HMCN1: variants seen among roughly 807,000 people sequenced by gnomAD.
The protein encoded by HMCN1 is hemicentin-1.
Under a neutral mutation model 625.9 loss-of-function variants are expected in HMCN1, and 321 were observed. That is an observed-to-expected ratio of 0.51 (90% CI 0.47 to 0.56). The LOEUF (loss-of-function observed/expected upper bound fraction) is 0.56. Ranked by LOEUF, HMCN1 falls within the 20% of genes least tolerant of loss-of-function variation. The pLI is 0.00. For synonymous variants in HMCN1, 2,425 were observed against 2,417.6 expected (o/e 1.00, Z -0.09); for missense variants, 6,588 against 6,887.3 (o/e 0.96, Z 1.54).
chr1:185,948,808 T>C (rs1288914328), intron 11 of HMCN1, among the ~76,000 whole-genome samples: 1 of 146,882 alleles, frequency 6.8e-6, no homozygotes, highest in Non-Finnish European at 1.5e-5. Flanking sequence ...TTTTGGGGGG[T>C]GGTATGGAGA....
Position 186,172,030 on chromosome 1 carries a change from T to C in HMCN1, c.15713T>C (p.Val5238Ala), listed in dbSNP as rs1652262735. The change falls in exon 102 of 107, where the codon GTA becomes GCA. Residue 5238 changes from valine to alanine, a missense_variant. Physicochemically the swap from Val to Ala is moderately conservative, Grantham distance 64. Transcript: ENST00000271588. ...CMDVNECRQN[V>A]CRPDQHCKNT... is the part of the protein sequence containing the mutation. Reference sequence around the variant, plus strand: ...GATGTGAACGAGTGTAGACAAAATGTATGCAGACCAGATCAGCACTGTAAG... The same window carrying C: ...GATGTGAACGAGTGTAGACAAAATGCATGCAGACCAGATCAGCACTGTAAG... 1.9e-6 allele frequency: 3 copies of C among 1,613,616 alleles called. No individual in the cohort carries two copies. Among genetic ancestry groups the C allele is most frequent in the Non-Finnish European group, 8.5e-7 (1 of 1,179,626 alleles).
intron 1 of HMCN1, among the ~76,000 whole-genome samples, chr1:185,844,393 A>G (rs1236705646): frequency 6.6e-6 from 1 of 152,220 alleles, no homozygotes; most frequent in African/African-American, 2.4e-5. Flanking sequence ...TTTCTAAGAA[A>G]AAGTACATGG....
chr1:186,185,727 C>T (rs1018646146), intron 105 of HMCN1, among the ~76,000 whole-genome samples: 6 of 152,128 alleles, frequency 3.9e-5, no homozygotes, highest in Non-Finnish European at 8.8e-5. Flanking sequence ...TGTATCAAGT[C>T]CCAATATAAA....
At chr1:186,173,681 G>A (rs1185341758) in intron 102 of HMCN1, among the ~76,000 whole-genome samples, 1 of 147,252 alleles carries the variant, frequency 6.8e-6, no homozygotes, top group Non-Finnish European at 1.5e-5. Flanking sequence ...AAAAGTAGCA[G>A]CCAACTCAGA....
At chr1:185,998,778 T>A (rs778866115) in intron 25 of HMCN1, among the ~76,000 whole-genome samples, 11 of 152,296 alleles carry the variant, frequency 7.2e-5, no homozygotes, top group Middle Eastern at 3.4e-3. Context: ...TGCTCATGGT[T>A]GTTCTATCAT....
intron 4 of HMCN1, among the ~76,000 whole-genome samples, chr1:185,876,250 T>A (rs1313336864): frequency 6.6e-6 from 1 of 152,092 alleles, no homozygotes; most frequent in Admixed American, 6.6e-5. Flanking sequence ...GATTTCACTC[T>A]TTTTTTATAG....
intron 81 of HMCN1, 93 bp downstream of exon 81, chr1:186,123,313 C>G (rs1661486901): frequency 3.4e-6 from 5 of 1,457,214 alleles, no homozygotes; most frequent in Admixed American, 2.0e-5. Context: ...AGTCAAAAAC[C>G]CTTAAACTCA....
At position 185,990,344 on chromosome 1, in the gene HMCN1, C is replaced by T; in HGVS notation, c.3278C>T (p.Ala1093Val). Residue 1093 changes from alanine to valine, a missense_variant, in exon 22 of 107, where the codon GCA becomes GTA. Coordinates refer to ENST00000271588, the MANE Select transcript of HMCN1 (RefSeq NM_031935.3). ...AAGCCTGTTGAGATCTCCGTCCTTG[C>T]AGGGGAAGAGGTAACACTTCCATGT... is the stretch of plus-strand genomic sequence containing the variant. Reference protein sequence around the residue: ...QDKPVEISVLAGEEVTLPCEV... With the variant: ...QDKPVEISVLVGEEVTLPCEV... The T allele has an allele frequency of 1.2e-6, 2 of 1,613,548 alleles. No homozygotes were observed. Among genetic ancestry groups the T allele is most frequent in the Non-Finnish European group, 1.7e-6 (2 of 1,179,466 alleles).
At chr1:185,918,635 C>T (rs1046252027) in intron 6 of HMCN1, among the ~76,000 whole-genome samples, 2 of 152,156 alleles carry the variant, frequency 1.3e-5, no homozygotes, top group Non-Finnish European at 2.9e-5. Context: ...AAACCGTGAC[C>T]TTACCTCACA....
In HMCN1 at chr1:186,106,907, A is replaced by G; in HGVS notation, c.10794A>G (p.Thr3598=). The change falls in exon 70 of 107, where the codon ACA becomes ACG. Residue 3598 remains threonine, a synonymous_variant. Coordinates refer to ENST00000271588, the MANE Select transcript of HMCN1 (RefSeq NM_031935.3). ...AGGTGGAGGATACAGGAAGATATAC[A>G]TGTCTGGCATCCAGTCCTGCAGGAG... The part of the protein sequence containing the change: ...TAQVEDTGRY[T]CLASSPAGDD... 1 of 1,612,040 alleles carries G rather than the reference A, an allele frequency of 6.2e-7. No individual in the cohort carries two copies. Among genetic ancestry groups the G allele is most frequent in the South Asian group, 1.1e-5 (1 of 91,052 alleles).
chr1:185,767,713 C>T (rs916413689), intron 1 of HMCN1, among the ~76,000 whole-genome samples: 1 of 152,060 alleles, frequency 6.6e-6, no homozygotes, highest in Non-Finnish European at 1.5e-5. Context: ...GCTAATTATT[C>T]TTTAAGAATG....
At chr1:185,923,890 T>G (rs1338287299) in intron 8 of HMCN1, among the ~76,000 whole-genome samples, 1 of 152,194 alleles carries the variant, frequency 6.6e-6, no homozygotes. Flanking sequence ...GATTAGTCAG[T>G]GTAAGAGCTG....
intron 93 of HMCN1, 106 bp downstream of exon 93, chr1:186,146,029 GAA>G (rs11358358): frequency 8.3e-4 from 723 of 869,212 alleles, no homozygotes; most frequent in African/African-American, 1.1e-3. Flanking sequence ...GGTGGAATTA[GAA>G]AAAAAAAAAA....
chr1:185,910,025 A>G (rs1009784321), intron 5 of HMCN1, among the ~76,000 whole-genome samples: 2 of 152,286 alleles, frequency 1.3e-5, no homozygotes, highest in South Asian at 2.1e-4. Flanking sequence ...TTTTATAACC[A>G]TATGATTTGT....
intron 9 of HMCN1, among the ~76,000 whole-genome samples, chr1:185,927,406 A>G (rs1667332833): frequency 6.6e-6 from 1 of 152,230 alleles, no homozygotes; most frequent in South Asian, 2.1e-4. Flanking sequence ...ACTGGCATGT[A>G]GTGCCTACAG....
chr1:186,081,542 ATTC>A, intron 56 of HMCN1, 148 bp downstream of exon 56: 2 of 626,644 alleles, frequency 3.2e-6, no homozygotes, highest in Non-Finnish European at 5.4e-6. Flanking sequence ...ATATAATAAA[ATTC>A]TTCTTCCTCA....
At chr1:185,873,707 A>C (rs1439173744) in intron 4 of HMCN1, among the ~76,000 whole-genome samples, 1 of 152,072 alleles carries the variant, frequency 6.6e-6, no homozygotes, top group East Asian at 1.9e-4. Flanking sequence ...AGAAAAATGC[A>C]AAAGGTTTGT....
At chr1:185,774,450 T>C (rs539758794) in intron 1 of HMCN1, among the ~76,000 whole-genome samples, 1 of 152,306 alleles carries the variant, frequency 6.6e-6, no homozygotes, top group South Asian at 2.1e-4. Flanking sequence ...GCTAACTTTT[T>C]ATTTTTCCCT....
chr1:186,115,077 G>A (rs1016336502), intron 74 of HMCN1, 131 bp downstream of exon 74: 3 of 1,440,270 alleles, frequency 2.1e-6, no homozygotes, highest in East Asian at 2.3e-5. Flanking sequence ...TGAATAGCAA[G>A]CCCCAAGTTT....
Sources: allele counts gnomAD v4.1 joint callset (sites outside exome capture counted in the v4.1 genomes callset), GRCh38; gene constraint gnomAD v4.1.1; transcripts MANE v1.5; gene names NCBI Gene and HGNC (gene_info 2026-07-23, HGNC 2026-07-21).